Variants in ECD observed in about 807,000 individuals in gnomAD.
The protein encoded by ECD is ecdysoneless cell cycle regulator, also known as protein ecdysoneless homolog.
In ECD, 59 loss-of-function variants were observed where a neutral mutation model predicts 77.2. The ratio of observed to expected loss-of-function variants is 0.76; its 90% confidence interval spans 0.62 to 0.95. ECD has a LOEUF of 0.95. ECD is among the 40% of genes least tolerant of loss of function. The probability of loss-of-function intolerance (pLI) is 0.00; values close to 1 mark genes in which losing one functional copy is unlikely to be tolerated. For missense variants in ECD, 704 were observed against 763.4 expected, an observed-to-expected ratio of 0.92 and a Z score of 0.92; for synonymous variants, 233 against 267.4, an observed-to-expected ratio of 0.87 and a Z score of 1.26.
At chr10:73,157,722 CAA>C (rs199864779) in intron 3 of ECD, among the ~76,000 whole-genome samples, 8 of 140,714 alleles carry the variant, frequency 5.7e-5, no homozygotes, top group Admixed American at 7.1e-5. Flanking sequence ...AACTCCATCT[CAA>C]AAAAAAAAAA....
At chr10:73,139,156 T>G (rs546706813) in intron 11 of ECD, among the ~76,000 whole-genome samples, 153 bp downstream of exon 11, 16 of 143,484 alleles carry the variant, frequency 1.1e-4, no homozygotes, top group Non-Finnish European at 2.1e-4. Flanking sequence ...TGACTTCAAA[T>G]AAGTAAGTTA....
chr10:73,166,167 T>C (rs1843456503), intron 1 of ECD, among the ~76,000 whole-genome samples: 1 of 152,210 alleles, frequency 6.6e-6, no homozygotes, highest in East Asian at 1.9e-4. Context: ...CTCATTTTTT[T>C]TTTTATGGCT....
chr10:73,161,821 T>C (rs1843384567), intron 2 of ECD, among the ~76,000 whole-genome samples: 1 of 152,150 alleles, frequency 6.6e-6, no homozygotes, highest in African/African-American at 2.4e-5. Context: ...ACACATTAAA[T>C]AGATTATTCA....
chr10:73,148,597 A>C (rs567794658), intron 7 of ECD, among the ~76,000 whole-genome samples, 193 bp from the exon 8 acceptor site: 2 of 152,340 alleles, frequency 1.3e-5, no homozygotes, highest in Admixed American at 6.5e-5. Flanking sequence ...ATCATTATAG[A>C]TTACTAAAAA....
intron 9 of ECD, among the ~76,000 whole-genome samples, chr10:73,145,659 T>C (rs1248347121): frequency 7.6e-6 from 1 of 131,804 alleles, no homozygotes; most frequent in Non-Finnish European, 1.5e-5. Context: ...TTGTGCAGCT[T>C]TTTTTTTTTT....
intron 9 of ECD, among the ~76,000 whole-genome samples, chr10:73,145,731 G>A (rs370219407): frequency 7.4e-6 from 1 of 135,430 alleles, no homozygotes; most frequent in Non-Finnish European, 1.5e-5. Context: ...GGCAACCTCC[G>A]CCTCCTGAGT....
intron 9 of ECD, 52 bp downstream of exon 9, chr10:73,146,220 TAAAA>T: frequency 1.2e-6 from 1 of 830,462 alleles, no homozygotes; most frequent in Non-Finnish European, 1.7e-6. Context: ...AAATAAAAAA[TAAAA>T]AGAACTACCT....
At chr10:73,143,471 A>G (rs1843084667) in intron 9 of ECD, among the ~76,000 whole-genome samples, 1 of 152,144 alleles carries the variant, frequency 6.6e-6, no homozygotes, top group South Asian at 2.1e-4. Flanking sequence ...CAGCCTGTAT[A>G]GTATTTTGTA....
chr10:73,153,021 T>G (rs1161995270), intron 6 of ECD, among the ~76,000 whole-genome samples: 1 of 151,612 alleles, frequency 6.6e-6, no homozygotes, highest in African/African-American at 2.4e-5. Flanking sequence ...AGATAATTCA[T>G]TTTTTCTATT....
In ECD at chr10:73,148,423, AT is replaced by A. The variant is rs1843156556; in HGVS notation, c.913-20del. 1 of 1,602,032 alleles carries A rather than the reference AT, an allele frequency of 6.2e-7. No homozygotes were observed. Among genetic ancestry groups the A allele is most frequent in the Admixed American group, 1.7e-5 (1 of 57,672 alleles). On this transcript the variant is annotated intron_variant, in intron 7 of 13. Coordinates refer to ENST00000372979, the MANE Select transcript of ECD (RefSeq NM_007265.3). ...CATGAGCCTAGATGAGATAGGTAGA[AT>A]TTTTGTTACTAAGTTCCTTTTTTCC... is the stretch of plus-strand genomic sequence containing the variant.
Position 73,152,390 on chromosome 10 carries a change from A to C in ECD, c.815T>G (p.Leu272Trp), listed in dbSNP as rs1283874590. The C allele has an allele frequency of 1.2e-6, 2 of 1,613,722 alleles. No homozygotes were observed. The highest frequency in any genetic ancestry group is 2.7e-5 in the African/African-American group (2 of 74,928). The part of the protein sequence containing the change: ...VTFTKCLYAQ[L>W]VQQRFVPDRR... ...GTCTGGCACAAACCTTTGTTGCACC[A>C]ATTGTGCATATAGACATTTAGTGAA... The change falls in exon 7 of 14, where the codon TTG becomes TGG. Residue 272 changes from leucine to tryptophan, a missense_variant. Coordinates refer to ENST00000372979, the MANE Select transcript of ECD (RefSeq NM_007265.3).
In ECD at chr10:73,150,450, G is replaced by C. The variant is rs530037632; in HGVS notation, c.912+1843C>G. ...AAGAAAACCTAGGCAGTACCATTCA[G>C]GACATAGGCATGGGCAAGGACTTCA... On this transcript the variant is annotated intron_variant, in intron 7 of 13. Transcript: ENST00000372979. 3.9e-5 allele frequency among the ~76,000 whole-genome samples: 6 copies of C among 152,270 alleles called. No homozygotes were observed. The East Asian group carries it at 1.2e-3, about 29-fold the overall frequency.
At chr10:73,147,776 A>G (rs1190779296) in intron 8 of ECD, among the ~76,000 whole-genome samples, 1 of 152,150 alleles carries the variant, frequency 6.6e-6, no homozygotes, top group Non-Finnish European at 1.5e-5. Context: ...CAATGTTACC[A>G]GCAAGGTATA....
In ECD at chr10:73,164,361, AT is replaced by A. The variant is rs200878953; in HGVS notation, c.-13-412del. On this transcript the variant is annotated intron_variant, in intron 1 of 13. Transcript: ENST00000372979. ...AGCAAGACTCCAACTAAAAAAAAAA[AT>A]AAATAAAAATAAAAAATAAAAAAAT... 1.5e-3 allele frequency among the ~76,000 whole-genome samples: 226 copies of A among 151,952 alleles called. 9 individuals are homozygous for A. In the East Asian group the frequency reaches 0.039, roughly 26 times the overall value.
rs150260494 is a variant in ECD at position 73,167,082 on chromosome 10, A to G, written c.-14+784T>C. 2.6e-3 allele frequency among the ~76,000 whole-genome samples: 400 copies of G among 152,188 alleles called. 1 individual carries two copies. Among genetic ancestry groups the G allele is most frequent in the African/African-American group, 9.2e-3 (381 of 41,516 alleles). On this transcript the variant is annotated intron_variant, in intron 1 of 13. Transcript: ENST00000372979. ...TATTGAAGAGACTGTCTTTTCCCCA[A>G]TGTATGTTTTTGGTACCTTTGCTGA... is the stretch of plus-strand genomic sequence containing the variant.
intron 1 of ECD, among the ~76,000 whole-genome samples, chr10:73,164,398 C>T (rs1843423602): frequency 6.6e-6 from 1 of 151,782 alleles, no homozygotes; most frequent in Non-Finnish European, 1.5e-5. Context: ...AAAATTTAGT[C>T]ACATACCATC....
rs1843266478 is a variant in ECD at position 73,154,339 on chromosome 10, C to A, written c.700G>T (p.Ala234Ser). 1.2e-6 allele frequency: 2 copies of A among 1,614,080 alleles called. No individual in the cohort carries two copies. Among genetic ancestry groups the A allele is most frequent in the Non-Finnish European group, 1.7e-6 (2 of 1,180,008 alleles). The change falls in exon 6 of 14, where the codon GCA becomes TCA. Residue 234 changes from alanine to serine, a missense_variant. Around this residue, in one of 3 missense-constraint regions of ECD, gnomAD observed 559 missense variants for 583.7 expected, o/e 0.96. Coordinates refer to ENST00000372979, the MANE Select transcript of ECD (RefSeq NM_007265.3). Reference protein sequence around the residue: ...RPRLVAAAVQAFYLRDPIDLR... With the variant: ...RPRLVAAAVQSFYLRDPIDLR... The stretch of plus-strand genomic sequence containing the variant: ...TCAATAGGGTCTCGTAGGTAAAATG[C>A]CTGGACTGCTGCAGCCACCAATCTG...
At chr10:73,139,801 CA>C in intron 9 of ECD, 64 bp from the exon 10 acceptor site, 10 of 1,084,748 alleles carry the variant, frequency 9.2e-6, no homozygotes, top group Non-Finnish European at 1.2e-5. Context: ...ATCATAAATA[CA>C]TAGTATTTTA....
At chr10:73,136,594 T>C in intron 13 of ECD, 110 bp downstream of exon 13, 1 of 987,264 alleles carries the variant, frequency 1.0e-6, no homozygotes, top group East Asian at 2.5e-5. Flanking sequence ...TTAACATTCT[T>C]ATTTATTTCA....
Sources: gnomAD v4.1 joint callset for allele counts (sites outside exome capture counted in the v4.1 genomes callset) on GRCh38, gnomAD v4.1.1 for gene constraint, gnomAD v4.1.1 regional missense constraint, MANE v1.5 for transcripts, NCBI Gene and HGNC (gene_info 2026-07-23, HGNC 2026-07-21) for gene names.